The following RNGTT variants were observed in gnomAD, a reference collection of about 807,000 sequenced individuals.
RNGTT encodes the protein mRNA-capping enzyme.
RNGTT carries 33 observed loss-of-function variants against 79.3 expected under a neutral mutation model. That is an observed-to-expected ratio of 0.42 (90% CI 0.32 to 0.56). RNGTT has a LOEUF of 0.56. RNGTT is among the 20% of genes least tolerant of loss of function. The pLI, the probability that RNGTT is intolerant of heterozygous loss-of-function variation, is 0.17. For missense variants in RNGTT, 497 were observed against 739.1 expected (o/e 0.67, Z 3.80); for synonymous variants, 222 against 235.9 (o/e 0.94, Z 0.54).
intron 1 of RNGTT, among the ~76,000 whole-genome samples, chr6:88,953,844 C>A (rs1785337987): frequency 6.6e-6 from 1 of 152,166 alleles, no homozygotes; most frequent in African/African-American, 2.4e-5. Flanking sequence ...AAATAACTGT[C>A]AGCCAAGAAT....
chr6:88,776,381 G>A (rs1473631337), intron 12 of RNGTT, among the ~76,000 whole-genome samples: 5 of 150,050 alleles, frequency 3.3e-5, no homozygotes, highest in African/African-American at 1.2e-4. Context: ...GTGCAGTGGC[G>A]CAATCTCAGC....
intron 11 of RNGTT, among the ~76,000 whole-genome samples, chr6:88,836,326 A>T (rs1019644455): frequency 2.6e-5 from 4 of 151,946 alleles, no homozygotes; most frequent in African/African-American, 2.4e-5. Context: ...AAAAATTTTT[A>T]AATTAAGAAT....
At chr6:88,936,389 C>G (rs1325309717) in intron 2 of RNGTT, among the ~76,000 whole-genome samples, 1 of 152,168 alleles carries the variant, frequency 6.6e-6, no homozygotes, top group Non-Finnish European at 1.5e-5. Context: ...CTTTCTCTTG[C>G]CTGGCTGCTC....
At chr6:88,853,173 T>A (rs143351886) in intron 9 of RNGTT, among the ~76,000 whole-genome samples, 2 of 152,318 alleles carry the variant, frequency 1.3e-5, no homozygotes, top group East Asian at 3.9e-4. Flanking sequence ...TAATTCAATA[T>A]AAGTATACAT....
intron 12 of RNGTT, among the ~76,000 whole-genome samples, chr6:88,779,332 C>T (rs1450538812): frequency 6.6e-6 from 1 of 152,078 alleles, no homozygotes; most frequent in East Asian, 1.9e-4. Context: ...TAAGTGACTA[C>T]AAGAACACTT....
intron 13 of RNGTT, among the ~76,000 whole-genome samples, chr6:88,748,834 ATGT>A (rs1777750403): frequency 6.6e-6 from 1 of 152,152 alleles, no homozygotes. Context: ...ATGAAAAACA[ATGT>A]AATGCACTTT....
intron 8 of RNGTT, among the ~76,000 whole-genome samples, chr6:88,885,865 G>A (rs980197806): frequency 6.6e-6 from 1 of 152,164 alleles, no homozygotes; most frequent in Non-Finnish European, 1.5e-5. Flanking sequence ...GAAATGACAT[G>A]AAGAATATTA....
chr6:88,859,364 C>CA (rs1330346436), intron 8 of RNGTT, among the ~76,000 whole-genome samples: 2 of 152,068 alleles, frequency 1.3e-5, no homozygotes, highest in African/African-American at 4.8e-5. Flanking sequence ...TGAAATAACT[C>CA]AGAGATTAAT....
intron 11 of RNGTT, among the ~76,000 whole-genome samples, chr6:88,807,203 G>A (rs1334970385): frequency 6.6e-6 from 1 of 152,098 alleles, no homozygotes; most frequent in African/African-American, 2.4e-5. Context: ...GTTTACTTAT[G>A]TAACAAACCT....
chr6:88,736,270 T>C (rs953247183), intron 13 of RNGTT, among the ~76,000 whole-genome samples: 1 of 152,224 alleles, frequency 6.6e-6, no homozygotes, highest in African/African-American at 2.4e-5. Context: ...ATCAATTTTC[T>C]ATAATCTGTT....
chr6:88,711,979 T>C lies in RNGTT; in HGVS notation c.1440-33560A>G, dbSNP rs9451056. On this transcript the variant is annotated intron_variant, in intron 13 of 15. Transcript: ENST00000369485. ...CAATCTAACTAGGTGAAGTACACTATTAATAGAAAGTAAAACTAAAAATGA... is the reference window on the plus strand; with the variant it reads ...CAATCTAACTAGGTGAAGTACACTACTAATAGAAAGTAAAACTAAAAATGA... 7.8e-3 allele frequency among the ~76,000 whole-genome samples: 1,182 copies of C among 152,308 alleles called. 8 individuals carry two copies. Among genetic ancestry groups the C allele is most frequent in the African/African-American group, 0.026 (1,096 of 41,570 alleles).
At chr6:88,683,081 A>C (rs1448297197) in intron 13 of RNGTT, among the ~76,000 whole-genome samples, 1 of 152,194 alleles carries the variant, frequency 6.6e-6, no homozygotes, top group African/African-American at 2.4e-5. Context: ...TCAAGAAATT[A>C]GAAAAATGAC....
intron 11 of RNGTT, among the ~76,000 whole-genome samples, chr6:88,831,943 C>A (rs1429709950): frequency 3.3e-5 from 5 of 152,168 alleles, no homozygotes; most frequent in Admixed American, 1.3e-4. Flanking sequence ...TAAGAGAGGA[C>A]ACAAACAAAT....
intron 14 of RNGTT, among the ~76,000 whole-genome samples, chr6:88,641,247 G>A (rs934747570): frequency 6.6e-6 from 1 of 151,778 alleles, no homozygotes. Context: ...GCTGAGGCAG[G>A]AGAATCACTT....
chr6:88,832,815 T>C (rs925358577), intron 11 of RNGTT, among the ~76,000 whole-genome samples: 15 of 151,944 alleles, frequency 9.9e-5, no homozygotes, highest in Admixed American at 3.3e-4. Flanking sequence ...CCAAGAAACA[T>C]ATGAAAAAAT....
At chr6:88,787,333 C>T (rs972765454) in intron 12 of RNGTT, among the ~76,000 whole-genome samples, 3 of 152,050 alleles carry the variant, frequency 2.0e-5, no homozygotes, top group African/African-American at 7.2e-5. Flanking sequence ...GGAGAAAGCA[C>T]TAGAGATTAA....
intron 14 of RNGTT, among the ~76,000 whole-genome samples, chr6:88,637,104 T>C (rs72921558): frequency 0.013 from 1,983 of 152,192 alleles, 18 homozygotes; most frequent in Middle Eastern, 0.027. Context: ...AACCATTTGG[T>C]AGACATGGGG....
At chr6:88,663,855 C>T (rs1774281642) in intron 14 of RNGTT, among the ~76,000 whole-genome samples, 1 of 152,174 alleles carries the variant, frequency 6.6e-6, no homozygotes, top group Admixed American at 6.5e-5. Flanking sequence ...TGTGTACCAA[C>T]CTTTTACCTC....
At position 88,917,712 on chromosome 6, in the gene RNGTT, C is replaced by T. The variant is rs1459553855; in HGVS notation, c.368-11272G>A. Among the ~76,000 whole-genome samples the T allele has an allele frequency of 3.7e-4, 57 of 152,010 alleles. 1 individual carries two copies. The highest frequency in any genetic ancestry group is 3.7e-3 in the Admixed American group (57 of 15,250). ...AATCAGCCTGGCCAACATGGAGAAA[C>T]CTCATCTCTACTAAAAATAGAAAAA... is the stretch of plus-strand genomic sequence containing the variant. On this transcript the variant is annotated intron_variant, in intron 4 of 15. Transcript: ENST00000369485.
Sources: gnomAD v4.1 joint callset for allele counts (sites outside exome capture counted in the v4.1 genomes callset) on GRCh38, gnomAD v4.1.1 for gene constraint, MANE v1.5 for transcripts, NCBI Gene and HGNC (gene_info 2026-07-23, HGNC 2026-07-21) for gene names.